NDUFA11: variants seen among roughly 807,000 people sequenced by gnomAD.
NDUFA11 encodes the protein NADH:ubiquinone oxidoreductase subunit A11.
NDUFA11 carries 14 observed loss-of-function variants against 11.3 expected under a neutral mutation model. The observed-to-expected ratio is 1.24, with a 90% CI of 0.82 to 1.94. The LOEUF is 1.94. NDUFA11 is among the 30% of genes most tolerant of loss of function. The pLI, the probability that NDUFA11 is intolerant of heterozygous loss-of-function variation, is 0.00. For missense variants in NDUFA11, 204 were observed against 200.3 expected, an observed-to-expected ratio of 1.02 and a Z score of -0.11; for synonymous variants, 87 against 85.6, an observed-to-expected ratio of 1.02 and a Z score of -0.09.
downstream of NDUFA11, chr19:5,894,664 G>C (rs550924988): frequency 3.8e-5 from 59 of 1,560,718 alleles, no homozygotes; most frequent in African/African-American, 6.8e-4. Context: ...CAAGCCCTCC[G>C]GACACTGACA....
intron 1 of NDUFA11, among the ~76,000 whole-genome samples, chr19:5,899,658 G>A (rs2144957062): frequency 6.6e-6 from 1 of 151,652 alleles, no homozygotes; most frequent in African/African-American, 2.4e-5. Context: ...GTAGAGACGG[G>A]GTTTTACCAT....
At chr19:5,901,235 C>G in intron 1 of NDUFA11, 2 of 1,104,134 alleles carry the variant, frequency 1.8e-6, no homozygotes, top group African/African-American at 1.6e-5. Flanking sequence ...TGCACACACT[C>G]TCTCACATGA....
intron 1 of NDUFA11, among the ~76,000 whole-genome samples, chr19:5,898,935 G>A (rs976967654): frequency 4.0e-5 from 6 of 151,348 alleles, no homozygotes; most frequent in African/African-American, 1.5e-4. Flanking sequence ...AGGTCTGGGG[G>A]CTGTGGCAGG....
In NDUFA11 at chr19:5,894,822, C is replaced by A; in HGVS notation, c.346G>T (p.Val116Leu). Residue 116 changes from valine (V) to leucine (L), a missense_variant, in exon 4 of 4, where the codon GTG (valine) becomes TTG (leucine). Transcript: ENST00000308961. ...AGGGAGGCCGCTATGCCAAAGTACA[C>A]GCAGGCGGCGGCGCCAATCCCGTAG... is the stretch of plus-strand genomic sequence containing the variant. ...HNYGIGAAAC[V>L]YFGIAASLVK... is the part of the protein sequence containing the mutation. 6.2e-7 allele frequency: 1 copy of A among 1,612,530 alleles called. No homozygotes were observed. The highest frequency in any genetic ancestry group is 8.5e-7 in the Non-Finnish European group (1 of 1,179,362).
At chr19:5,902,312 G>GCCA (rs2057651187) in intron 1 of NDUFA11, 1 of 152,230 alleles carries the variant, frequency 6.6e-6, no homozygotes, top group Non-Finnish European at 1.5e-5. Flanking sequence ...CGCCCAGGCT[G>GCCA]GGGTGCAGTG....
intron 1 of NDUFA11, among the ~76,000 whole-genome samples, chr19:5,898,566 G>C (rs2057624623): frequency 6.6e-6 from 1 of 152,146 alleles, no homozygotes; most frequent in African/African-American, 2.4e-5. Flanking sequence ...TGGGATTCCT[G>C]CTCGACCTCA....
intron 1 of NDUFA11, among the ~76,000 whole-genome samples, chr19:5,901,888 G>T (rs2057648101): frequency 1.3e-5 from 2 of 151,936 alleles, no homozygotes; most frequent in African/African-American, 2.4e-5. Flanking sequence ...AGCCAGGATG[G>T]TCTCGATCTC....
rs749702010 is a variant in NDUFA11, at chr19:5,894,854, G to A, written c.314C>T (p.Thr105Met). 4.4e-6 allele frequency: 7 copies of A among 1,601,184 alleles called. No homozygotes were observed. In the African/African-American group the frequency reaches 5.4e-5, roughly 12 times the overall value. Reference sequence around the variant, plus strand: ...GGCGGCGCCAATCCCGTAGTTGTGCGCTGTGGGAGTGGGGAGGTGATGTCA... The same window carrying A: ...GGCGGCGCCAATCCCGTAGTTGTGCACTGTGGGAGTGGGGAGGTGATGTCA... Reference protein sequence around the residue: ...CAGGLTLGARTHNYGIGAAAC... With the variant: ...CAGGLTLGARMHNYGIGAAAC... The change falls in exon 4 of 4, where the codon ACG (threonine) becomes ATG (methionine). Residue 105 changes from threonine (T) to methionine (M), a missense_variant and splice_region_variant. Transcript: ENST00000308961.
At chr19:5,898,318 C>T (rs147240263) in intron 1 of NDUFA11, among the ~76,000 whole-genome samples, 1 of 152,200 alleles carries the variant, frequency 6.6e-6, no homozygotes, top group Non-Finnish European at 1.5e-5. Context: ...GTGACCCCCC[C>T]CAACAGCACC....
intron 1 of NDUFA11, among the ~76,000 whole-genome samples, chr19:5,899,061 G>A (rs944691900): frequency 6.7e-6 from 1 of 150,306 alleles, no homozygotes; most frequent in Non-Finnish European, 1.5e-5. Context: ...ACTTCAGTCA[G>A]TGCACACACA....
intron 1 of NDUFA11, among the ~76,000 whole-genome samples, chr19:5,897,734 G>A (rs962906767): frequency 2.6e-5 from 4 of 152,322 alleles, no homozygotes; most frequent in African/African-American, 9.6e-5. Context: ...GGCCGGGGCC[G>A]GGCCCAGAAC....
At chr19:5,894,582 G>A, downstream of NDUFA11, 1 of 1,445,456 alleles carries the variant, frequency 6.9e-7, no homozygotes, top group Admixed American at 2.0e-5. Flanking sequence ...CGCGTGTGCA[G>A]GGGGCCTTAT....
chr19:5,896,596 G>A lies in NDUFA11; in HGVS notation c.191-21C>T. 4 of 1,558,884 alleles carry A rather than the reference G, an allele frequency of 2.6e-6. No individual in the cohort carries two copies. Among genetic ancestry groups the A allele is most frequent in the Non-Finnish European group, 3.5e-6 (4 of 1,152,278 alleles). On this transcript the variant is annotated intron_variant, in intron 2 of 3. Coordinates refer to ENST00000308961, the MANE Select transcript of NDUFA11 (RefSeq NM_175614.5). This position sits in a 1 kb window ranked among gnomAD's most constrained non-coding sequence, Gnocchi z 5.8. ...AGCAGCTGCGGGGTAGACGGGAAGA[G>A]CAAGGGCCTCGAGACGGGCACAGCA...
At chr19:5,894,221 G>A (rs1012401458), downstream of NDUFA11, among the ~76,000 whole-genome samples, 8 of 152,224 alleles carry the variant, frequency 5.3e-5, no homozygotes, top group South Asian at 2.1e-4. Context: ...CAGCCTGTCC[G>A]GGGCTCTCCG....
rs1420186995 is a variant in NDUFA11, at chr19:5,896,907, G to A, written c.188C>T (p.Ala63Val). The A allele has an allele frequency of 2.5e-6, 4 of 1,612,714 alleles. No homozygotes were observed. The highest frequency in any genetic ancestry group is 1.7e-5 in the Admixed American group (1 of 60,022). ...VAKVGQYTFTAAAVGAVFGLT... is the reference protein window; with the variant it reads ...VAKVGQYTFTVAAVGAVFGLT... ...CATGCCCAGCCCAGCGTGCTCACCT[G>A]CAGTGAACGTGTATTGTCCAACCTT... is the stretch of plus-strand genomic sequence containing the variant. Residue 63 changes from alanine to valine, a missense_variant and splice_region_variant, in exon 2 of 4, where the codon GCA (alanine) becomes GTA (valine). Physicochemically the swap from Ala to Val is moderately conservative, Grantham distance 64. Coordinates refer to ENST00000308961, the MANE Select transcript of NDUFA11 (RefSeq NM_175614.5). This position sits in a 1 kb window ranked among gnomAD's most constrained non-coding sequence, Gnocchi z 5.8.
At chr19:5,898,494 A>G (rs2057624183) in intron 1 of NDUFA11, among the ~76,000 whole-genome samples, 1 of 152,196 alleles carries the variant, frequency 6.6e-6, no homozygotes, top group Non-Finnish European at 1.5e-5. Flanking sequence ...GGATGCAGAG[A>G]AAGGGACCAC....
At chr19:5,903,465 C>A in intron 1 of NDUFA11, 147 bp downstream of exon 1, 1 of 725,408 alleles carries the variant, frequency 1.4e-6, no homozygotes, top group South Asian at 1.8e-5. Flanking sequence ...CACAAGATCC[C>A]CCCCTACGAC....
rs755889295 is a variant in NDUFA11, at chr19:5,903,761, G to A, written c.-53C>T. 7.8e-6 allele frequency: 12 copies of A among 1,529,740 alleles called. No homozygotes were observed. The highest frequency in any genetic ancestry group is 6.0e-5 in the South Asian group (5 of 83,592). 94.8% of individuals were successfully genotyped at this position (1,529,740 alleles called of 1,614,324 possible). A position where few individuals can be genotyped will look rare whatever the true frequency, so the allele number is the denominator to read the frequency against. On this transcript the variant is annotated 5_prime_UTR_variant, in exon 1 of 4. Transcript: ENST00000308961. Reference sequence around the variant, plus strand: ...GACCCCGCCAGCTCGGGAAGCGCAAGGGCAGCCGCGGCTGGCTATCGCGAG... The same window carrying A: ...GACCCCGCCAGCTCGGGAAGCGCAAAGGCAGCCGCGGCTGGCTATCGCGAG...
downstream of NDUFA11, chr19:5,893,177 T>G (rs1015228865): frequency 6.5e-7 from 1 of 1,535,994 alleles, no homozygotes; most frequent in East Asian, 2.4e-5. This position sits in a 1 kb window ranked among gnomAD's most constrained non-coding sequence, Gnocchi z 4.1. Flanking sequence ...ACCCAGAATC[T>G]CTGTACACAG....
Sources: gnomAD v4.1 joint callset for allele counts (sites outside exome capture counted in the v4.1 genomes callset) on GRCh38, gnomAD v4.1.1 for gene constraint, Gnocchi (gnomAD v3.1) non-coding constraint, MANE v1.5 for transcripts, NCBI Gene and HGNC (gene_info 2026-07-23, HGNC 2026-07-21) for gene names.